Variants in RSU1 observed in about 807,000 individuals in gnomAD.
RSU1 encodes the protein rsu-1.
RSU1 carries 26 observed loss-of-function variants against 31.1 expected under a neutral mutation model. That is an observed-to-expected ratio of 0.84 (90% CI 0.61 to 1.16). RSU1 has a LOEUF of 1.16. Among genes scored for constraint, RSU1 ranks in the 50% most tolerant of loss-of-function variants. The pLI is 0.00. For missense variants in RSU1, 320 were observed against 339.1 expected, an observed-to-expected ratio of 0.94 and a Z score of 0.44; for synonymous variants, 164 against 136.3, an observed-to-expected ratio of 1.20 and a Z score of -1.41.
chr10:16,802,345 G>GA (rs1430371753), intron 2 of RSU1, among the ~76,000 whole-genome samples: 1 of 152,036 alleles, frequency 6.6e-6, no homozygotes, highest in Non-Finnish European at 1.5e-5. Context: ...CCAACTGCTG[G>GA]AAAGACATAA....
At chr10:16,721,122 G>C (rs1029481151) in intron 7 of RSU1, among the ~76,000 whole-genome samples, 7 of 152,148 alleles carry the variant, frequency 4.6e-5, no homozygotes, top group South Asian at 2.1e-4. Context: ...TGTCCGTCAG[G>C]TGCTCTTGGT....
intron 8 of RSU1, among the ~76,000 whole-genome samples, chr10:16,665,871 T>G (rs1191843171): frequency 6.6e-6 from 1 of 152,238 alleles, no homozygotes; most frequent in African/African-American, 2.4e-5. Context: ...GAACAAGGAC[T>G]CAACAGTTCA....
intron 8 of RSU1, among the ~76,000 whole-genome samples, chr10:16,665,714 T>C (rs1251045450): frequency 6.6e-6 from 1 of 152,200 alleles, no homozygotes; most frequent in African/African-American, 2.4e-5. Context: ...TCTAAACCTA[T>C]GTAAAAAGAT....
intron 2 of RSU1, among the ~76,000 whole-genome samples, chr10:16,800,671 A>G (rs1002109558): frequency 7.2e-5 from 11 of 152,254 alleles, no homozygotes; most frequent in African/African-American, 2.4e-4. Flanking sequence ...CCGATTCTAT[A>G]AAGAACAACA....
chr10:16,675,549 G>A (rs957666933), intron 8 of RSU1, among the ~76,000 whole-genome samples: 1 of 152,128 alleles, frequency 6.6e-6, no homozygotes, highest in Non-Finnish European at 1.5e-5. Flanking sequence ...CAGAACACTA[G>A]AGACCAGCGT....
chr10:16,593,524 AGATCT>A, intron 8 of RSU1, 28 bp from the exon 9 acceptor site: 1 of 1,569,808 alleles, frequency 6.4e-7, no homozygotes, highest in Non-Finnish European at 8.8e-7. Context: ...GGACACTATC[AGATCT>A]ATTTTGCCAA....
intron 8 of RSU1, among the ~76,000 whole-genome samples, chr10:16,641,807 T>C (rs1834447792): frequency 6.6e-6 from 1 of 152,122 alleles, no homozygotes; most frequent in African/African-American, 2.4e-5. Context: ...CGACTTCCCA[T>C]CCAGGCAGGA....
At chr10:16,789,352 G>C (rs1286242800) in intron 2 of RSU1, among the ~76,000 whole-genome samples, 2 of 152,242 alleles carry the variant, frequency 1.3e-5, no homozygotes, top group African/African-American at 4.8e-5. Context: ...GAGCAGAAAA[G>C]AAAAAGTTAA....
At chr10:16,762,170 T>C (rs1429057396) in intron 4 of RSU1, among the ~76,000 whole-genome samples, 1 of 152,110 alleles carries the variant, frequency 6.6e-6, no homozygotes, top group Non-Finnish European at 1.5e-5. Flanking sequence ...TGACATAGAA[T>C]AGTCACTTAC....
intron 8 of RSU1, among the ~76,000 whole-genome samples, chr10:16,636,446 G>A (rs573494162): frequency 2.0e-5 from 3 of 152,226 alleles, no homozygotes; most frequent in Admixed American, 2.0e-4. Flanking sequence ...AGCATTTTAC[G>A]ACTTCTCATC....
rs1837124691 is a variant in RSU1, at chr10:16,757,618, T to C, written c.282-2629A>G. 3.9e-5 allele frequency among the ~76,000 whole-genome samples: 6 copies of C among 152,240 alleles called. No individual in the cohort carries two copies. In the South Asian group the frequency reaches 1.2e-3, roughly 31 times the overall value. On this transcript the variant is annotated intron_variant, in intron 4 of 8. Coordinates refer to ENST00000345264, the MANE Select transcript of RSU1 (RefSeq NM_012425.4). ...GTAAGATGGAGCTTGTCATTAATGC[T>C]ATGTTGAGATGAAAAAACAGCCTAA...
chr10:16,790,566 T>A (rs1483878214), intron 2 of RSU1, among the ~76,000 whole-genome samples: 1 of 152,092 alleles, frequency 6.6e-6, no homozygotes, highest in Non-Finnish European at 1.5e-5. Context: ...AACTCACGGG[T>A]GATGGAGTCA....
At chr10:16,627,762 CAAAAAAAA>C (rs74962434) in intron 8 of RSU1, among the ~76,000 whole-genome samples, 5 of 67,564 alleles carry the variant, frequency 7.4e-5, no homozygotes, top group African/African-American at 2.3e-4. Context: ...CATCTCAATA[CAAAAAAAA>C]AAAAAAAAAA....
chr10:16,621,159 A>G (rs1251215537), intron 8 of RSU1, among the ~76,000 whole-genome samples: 1 of 152,140 alleles, frequency 6.6e-6, no homozygotes, highest in African/African-American at 2.4e-5. Flanking sequence ...GTCTAGGGAT[A>G]TTTTTGGTTG....
intron 8 of RSU1, among the ~76,000 whole-genome samples, chr10:16,686,738 G>C (rs778869678): frequency 1.3e-5 from 2 of 152,090 alleles, no homozygotes; most frequent in Non-Finnish European, 2.9e-5. Context: ...AATAGGAGGA[G>C]AGAGACACAC....
intron 7 of RSU1, among the ~76,000 whole-genome samples, chr10:16,713,017 A>C (rs1836054855): frequency 6.6e-6 from 1 of 152,146 alleles, no homozygotes; most frequent in South Asian, 2.1e-4. Context: ...CCCTTCTTTC[A>C]GCACTTTGAA....
chr10:16,700,355 G>A (rs1010836342), intron 7 of RSU1, among the ~76,000 whole-genome samples: 2 of 151,894 alleles, frequency 1.3e-5, no homozygotes, highest in Non-Finnish European at 2.9e-5. Flanking sequence ...AAAAAAAGTG[G>A]CTGATTGGGT....
intron 8 of RSU1, among the ~76,000 whole-genome samples, chr10:16,664,934 C>A (rs1039318255): frequency 6.6e-6 from 1 of 151,986 alleles, no homozygotes; most frequent in Non-Finnish European, 1.5e-5. Flanking sequence ...TGACTCAGTT[C>A]TTTTTTCTTT....
At chr10:16,789,638 C>A in intron 2 of RSU1, among the ~76,000 whole-genome samples, 1 of 152,180 alleles carries the variant, frequency 6.6e-6, no homozygotes, top group East Asian at 1.9e-4. Flanking sequence ...AAGCTGCCCC[C>A]GTTGAACGTG....
Sources: gnomAD v4.1 joint callset for allele counts (sites outside exome capture counted in the v4.1 genomes callset) on GRCh38, gnomAD v4.1.1 for gene constraint, MANE v1.5 for transcripts, NCBI Gene and HGNC (gene_info 2026-07-23, HGNC 2026-07-21) for gene names.